ADAMTS17: variants seen among roughly 807,000 people sequenced by gnomAD.
ADAMTS17 encodes A disintegrin and metalloproteinase with thrombospondin motifs 17.
A neutral mutation model predicts 141.5 loss-of-function variants in ADAMTS17; 113 were observed. That is an observed-to-expected ratio of 0.80 (90% CI 0.69 to 0.93). ADAMTS17 has a LOEUF of 0.93. Ranked by LOEUF, ADAMTS17 falls within the 40% of genes least tolerant of loss-of-function variation. The pLI is 0.00. For missense variants in ADAMTS17, 1,659 were observed against 1,517.9 expected (o/e 1.09, Z -1.54); for synonymous variants, 768 against 630.6 (o/e 1.22, Z -3.27).
intron 20 of ADAMTS17, chr15:99,978,597 G>A (rs1026150853): frequency 2.0e-5 from 3 of 152,220 alleles, no homozygotes; most frequent in African/African-American, 7.2e-5. Context: ...CTCAGGAGTC[G>A]GCATCAGGCG....
chr15:100,281,294 C>T lies in ADAMTS17; in HGVS notation c.724G>A (p.Ala242Thr), dbSNP rs376420999. The change falls in exon 4 of 22, where the codon GCC (alanine) becomes ACC (threonine). Residue 242 changes from alanine to threonine, a missense_variant. By Grantham distance (58) the Ala-to-Thr change is moderately conservative. Transcript: ENST00000268070. Reference sequence around the variant, plus strand: ...GCCCCGTGGTACTGCACCATGTCGGCGTCGGCCACCACCAGGGTCTCCACC... The same window carrying T: ...GCCCCGTGGTACTGCACCATGTCGGTGTCGGCCACCACCAGGGTCTCCACC... The part of the protein sequence containing the change: ...HTVETLVVAD[A>T]DMVQYHGAEA... 2.2e-5 allele frequency: 35 copies of T among 1,608,818 alleles called. No homozygotes were observed. Among genetic ancestry groups the T allele is most frequent in the Non-Finnish European group, 2.7e-5 (32 of 1,179,990 alleles).
chr15:99,977,351 T>C (rs1332201975), intron 20 of ADAMTS17, among the ~76,000 whole-genome samples: 1 of 1,118 alleles, frequency 8.9e-4, no homozygotes, highest in East Asian at 0.026. Flanking sequence ...CTCCTCTTCA[T>C]ATATATATAT....
At chr15:100,008,041 T>C (rs78388691) in intron 18 of ADAMTS17, among the ~76,000 whole-genome samples, 2,839 of 152,004 alleles carry the variant, frequency 0.019, 97 homozygotes, top group African/African-American at 0.063. Context: ...AAAGGCATCT[T>C]TGGATTTGGC....
intron 9 of ADAMTS17, among the ~76,000 whole-genome samples, chr15:100,154,252 G>C (rs2039325521): frequency 1.3e-5 from 2 of 152,032 alleles, no homozygotes; most frequent in African/African-American, 4.8e-5. Context: ...TAACATCAAG[G>C]GGCTTACAGC....
At chr15:100,210,038 T>C (rs1377095735) in intron 7 of ADAMTS17, among the ~76,000 whole-genome samples, 1 of 151,880 alleles carries the variant, frequency 6.6e-6, no homozygotes, top group South Asian at 2.1e-4. Context: ...ATCAAGACCA[T>C]CCTGGCTAAC....
rs754150214 is a variant in ADAMTS17 at position 100,136,898 on chromosome 15, T to G, written c.1474-3583A>C. ...ACACTCTTTGGGTAGCCAGCACAGATAATGGGAAAAGAGCTCGGGCTGTGC... is the reference window on the plus strand; with the variant it reads ...ACACTCTTTGGGTAGCCAGCACAGAGAATGGGAAAAGAGCTCGGGCTGTGC... On this transcript the variant is annotated intron_variant, in intron 10 of 21. Transcript: ENST00000268070. Among the ~76,000 whole-genome samples, 3 of 152,066 alleles carry G rather than the reference T, an allele frequency of 2.0e-5. No homozygotes were observed. The East Asian group carries it at 5.8e-4, about 29-fold the overall frequency.
At chr15:100,285,134 T>A (rs1464888525) in intron 3 of ADAMTS17, among the ~76,000 whole-genome samples, 2 of 152,354 alleles carry the variant, frequency 1.3e-5, no homozygotes, top group South Asian at 4.1e-4. Context: ...TCTGGCTTCA[T>A]ACTATTTTTC....
intron 14 of ADAMTS17, among the ~76,000 whole-genome samples, chr15:100,103,736 C>T (rs541362720): frequency 2.6e-5 from 4 of 152,162 alleles, no homozygotes; most frequent in East Asian, 3.9e-4. Flanking sequence ...CTACCATGCC[C>T]GGCTAATTTT....
At chr15:100,027,888 G>A (rs1268236191) in intron 18 of ADAMTS17, among the ~76,000 whole-genome samples, 1 of 152,174 alleles carries the variant, frequency 6.6e-6, no homozygotes, top group Non-Finnish European at 1.5e-5. Flanking sequence ...GGAGTGGGCT[G>A]GGGAGTAGAA....
rs190457744 is a variant in ADAMTS17 at position 100,336,889 on chromosome 15, C to T, written c.450+4150G>A. On this transcript the variant is annotated intron_variant, in intron 2 of 21. Coordinates refer to ENST00000268070, the MANE Select transcript of ADAMTS17 (RefSeq NM_139057.4). Reference sequence around the variant, plus strand: ...TCCCCAACACTTCTAACCTAAGCTGCCTACTCATCAGCTGGCTGAGCTCAC... The same window carrying T: ...TCCCCAACACTTCTAACCTAAGCTGTCTACTCATCAGCTGGCTGAGCTCAC... Among the ~76,000 whole-genome samples, 770 of 152,286 alleles carry T rather than the reference C, an allele frequency of 5.1e-3. 6 individuals carry two copies. The highest frequency in any genetic ancestry group is 0.018 in the African/African-American group (733 of 41,550).
intron 18 of ADAMTS17, among the ~76,000 whole-genome samples, chr15:100,042,992 A>G (rs2031385889): frequency 6.6e-6 from 1 of 152,220 alleles, no homozygotes; most frequent in Admixed American, 6.5e-5. Context: ...GTATATATGT[A>G]TGTGTATGTA....
chr15:100,074,367 C>T (rs1567130184), intron 15 of ADAMTS17, among the ~76,000 whole-genome samples: 2 of 151,142 alleles, frequency 1.3e-5, no homozygotes, highest in African/African-American at 4.8e-5. Flanking sequence ...TCATATATAA[C>T]ATATTTTATG....
At chr15:100,326,911 TG>T (rs2045918179) in intron 3 of ADAMTS17, among the ~76,000 whole-genome samples, 2 of 152,242 alleles carry the variant, frequency 1.3e-5, no homozygotes, top group South Asian at 4.1e-4. Context: ...AAGTGAAGCT[TG>T]GGTAAGTGTT....
At chr15:100,066,772 T>G (rs1030114735) in intron 15 of ADAMTS17, among the ~76,000 whole-genome samples, 1 of 151,126 alleles carries the variant, frequency 6.6e-6, no homozygotes, top group Admixed American at 6.6e-5. Flanking sequence ...CTTCAACACT[T>G]GAAATACACT....
At chr15:100,184,795 G>C (rs1161037837) in intron 8 of ADAMTS17, among the ~76,000 whole-genome samples, 1 of 152,104 alleles carries the variant, frequency 6.6e-6, no homozygotes, top group Non-Finnish European at 1.5e-5. Flanking sequence ...GTAGCCCCCT[G>C]TCACAGCCCC....
At position 100,132,075 on chromosome 15, in the gene ADAMTS17, GGC is replaced by G. The variant is rs1371252576; in HGVS notation, c.1651_1652del (p.Ala551LeufsTer20). On this transcript the variant is annotated frameshift_variant, in exon 12 of 22. Coordinates refer to ENST00000268070, the MANE Select transcript of ADAMTS17 (RefSeq NM_139057.4). LOFTEE classifies it high-confidence loss of function. Reference protein sequence around the residue: ...HVDGDWSPWGAWSMCSRTCGT... With the variant: ...HVDGDWSPWGXWSMCSRTCGT... ...CACATGTTCGGCTGCACATGCTCCAGGCGCCCCACGGGCTCCAGTCTCCGTCC... is the reference window on the plus strand; with the variant it reads ...CACATGTTCGGCTGCACATGCTCCAGGCCCCACGGGCTCCAGTCTCCGTCC... The G allele has an allele frequency of 6.2e-7, 1 of 1,614,070 alleles. No homozygotes were observed. The highest frequency in any genetic ancestry group is 1.3e-5 in the African/African-American group (1 of 74,944).
chr15:100,108,967 G>A (rs1459425358), intron 14 of ADAMTS17, 22 bp downstream of exon 14: 2 of 1,612,984 alleles, frequency 1.2e-6, no homozygotes, highest in Non-Finnish European at 1.7e-6. Flanking sequence ...CCCCACCAAG[G>A]ACCGAAGGAG....
intron 20 of ADAMTS17, among the ~76,000 whole-genome samples, chr15:99,983,731 A>T (rs2060527309): frequency 6.6e-6 from 1 of 152,098 alleles, no homozygotes; most frequent in Non-Finnish European, 1.5e-5. Context: ...GAAATCATGC[A>T]AGGCTGAACT....
At chr15:100,227,570 T>A (rs1204760251) in intron 7 of ADAMTS17, among the ~76,000 whole-genome samples, 1 of 152,228 alleles carries the variant, frequency 6.6e-6, no homozygotes, top group Non-Finnish European at 1.5e-5. Context: ...AGCCCAGTGA[T>A]GGCACATCGC....
Sources: gnomAD v4.1 joint callset for allele counts (sites outside exome capture counted in the v4.1 genomes callset) on GRCh38, gnomAD v4.1.1 for gene constraint, MANE v1.5 for transcripts, NCBI Gene and HGNC (gene_info 2026-07-23, HGNC 2026-07-21) for gene names.